Variants in MYO1D observed in about 807,000 individuals in gnomAD.
The protein encoded by MYO1D is unconventional myosin-Id.
A neutral mutation model predicts 122.0 loss-of-function variants in MYO1D; 83 were observed. The ratio of observed to expected loss-of-function variants is 0.68; its 90% CI spans 0.57 to 0.82. The LOEUF is 0.82. MYO1D is among the 40% of genes least tolerant of loss of function. The probability of loss-of-function intolerance (pLI) is 0.00; values close to 1 mark genes in which losing one functional copy is unlikely to be tolerated. For synonymous variants in MYO1D, 464 were observed against 446.9 expected (o/e 1.04, Z -0.48); for missense variants, 1,157 against 1,269.5 (o/e 0.91, Z 1.35).
chr17:32,776,377 T>A (rs1337554489), intron 3 of MYO1D, among the ~76,000 whole-genome samples: 1 of 152,210 alleles, frequency 6.6e-6, no homozygotes, highest in Non-Finnish European at 1.5e-5. Context: ...CACGTGTGTG[T>A]GTGTGTGCAT....
At position 32,631,363 on chromosome 17, in the gene MYO1D, G is replaced by T. The variant is rs117792454; in HGVS notation, c.2709+7359C>A. On this transcript the variant is annotated intron_variant, in intron 20 of 21. Coordinates refer to ENST00000318217, the MANE Select transcript of MYO1D (RefSeq NM_015194.3). ...GGTTTAAAAGGCAGTCTTTGGCTAG[G>T]TGTGGTGTGGCTCATGCCTGTAATT... Among the ~76,000 whole-genome samples the T allele has an allele frequency of 7.7e-3, 1,180 of 152,300 alleles. 9 individuals are homozygous for T. The highest frequency in any genetic ancestry group is 0.014 in the Non-Finnish European group (930 of 68,030).
At position 32,875,297 on chromosome 17, in the gene MYO1D, T is replaced by G. The variant is rs539305039; in HGVS notation, c.95+1481A>C. 2.1e-4 allele frequency among the ~76,000 whole-genome samples: 32 copies of G among 152,364 alleles called. 1 individual carries two copies. The South Asian group carries it at 6.0e-3, about 29-fold the overall frequency. On this transcript the variant is annotated intron_variant, in intron 1 of 21. Transcript: ENST00000318217. ...ACAACCTTAATCTATGAAATTGCTA[T>G]GTAACTTACCCCTTTATCTATTTTA...
At chr17:32,817,931 C>T (rs569803458) in intron 1 of MYO1D, among the ~76,000 whole-genome samples, 17 of 150,850 alleles carry the variant, frequency 1.1e-4, no homozygotes, top group Non-Finnish European at 1.6e-4. Context: ...TCGAGACCAT[C>T]CCGGCTAAAA....
At chr17:32,681,570 G>T (rs2088918091) in intron 16 of MYO1D, among the ~76,000 whole-genome samples, 1 of 151,896 alleles carries the variant, frequency 6.6e-6, no homozygotes, top group Non-Finnish European at 1.5e-5. Context: ...CTTTGAGTGG[G>T]ATTCTTAATC....
intron 1 of MYO1D, among the ~76,000 whole-genome samples, chr17:32,825,239 G>T (rs1307747714): frequency 6.6e-6 from 1 of 151,746 alleles, no homozygotes. Flanking sequence ...TAAACACAGG[G>T]TATTTATTAT....
intron 1 of MYO1D, among the ~76,000 whole-genome samples, chr17:32,835,036 A>T (rs1224072182): frequency 1.3e-5 from 2 of 151,894 alleles, no homozygotes; most frequent in African/African-American, 2.4e-5. Context: ...CAAACAAAAA[A>T]CCACATTTCT....
rs150326265 is a variant in MYO1D at position 32,868,905 on chromosome 17, A to G, written c.95+7873T>C. Among the ~76,000 whole-genome samples, 755 of 152,214 alleles carry G rather than the reference A, an allele frequency of 5.0e-3. 4 individuals are homozygous for G. Among genetic ancestry groups the G allele is most frequent in the Non-Finnish European group, 8.0e-3 (543 of 67,988 alleles). On this transcript the variant is annotated intron_variant, in intron 1 of 21. Transcript: ENST00000318217. ...TGCTCAAAACTAAAGTTTGGAAAAC[A>G]TTGTTCTATTCAAGAGATCTTGGCT...
intron 20 of MYO1D, among the ~76,000 whole-genome samples, chr17:32,608,748 C>T (rs1306204899): frequency 6.6e-6 from 1 of 152,184 alleles, no homozygotes; most frequent in Non-Finnish European, 1.5e-5. Flanking sequence ...GGAAACGACC[C>T]AAATATCCAG....
At chr17:32,614,693 C>T (rs1567910751) in intron 20 of MYO1D, among the ~76,000 whole-genome samples, 1 of 152,192 alleles carries the variant, frequency 6.6e-6, no homozygotes, top group Non-Finnish European at 1.5e-5. Context: ...GTGGGCTCAT[C>T]ATGGAAATGG....
intron 12 of MYO1D, among the ~76,000 whole-genome samples, chr17:32,746,826 T>C (rs114109186): frequency 2.3e-4 from 35 of 152,300 alleles, no homozygotes; most frequent in African/African-American, 7.0e-4. Flanking sequence ...AACCTAGGTA[T>C]TGTCTCAGTT....
At chr17:32,838,525 G>C (rs114245024) in intron 1 of MYO1D, among the ~76,000 whole-genome samples, 4 of 152,262 alleles carry the variant, frequency 2.6e-5, no homozygotes, top group African/African-American at 9.6e-5. Context: ...TTGAAGGCTA[G>C]TGAGAAGATG....
chr17:32,787,888 C>A (rs1304275256), intron 1 of MYO1D, among the ~76,000 whole-genome samples: 1 of 152,198 alleles, frequency 6.6e-6, no homozygotes, highest in Non-Finnish European at 1.5e-5. Context: ...AGAATAATGG[C>A]CTCCAGCTCC....
In MYO1D at chr17:32,772,856, C is replaced by G. The variant is rs1353861541; in HGVS notation, c.565-14G>C. 6.2e-7 allele frequency: 1 copy of G among 1,611,652 alleles called. No homozygotes were observed. Among genetic ancestry groups the G allele is most frequent in the Non-Finnish European group, 8.5e-7 (1 of 1,178,000 alleles). ...AATCACTCGAGACTAAGAAAAAACA[C>G]ATTAAAATGGTTAACCCGAAAATGT... On this transcript the variant is annotated splice_polypyrimidine_tract_variant and intron_variant, in intron 4 of 21. Coordinates refer to ENST00000318217, the MANE Select transcript of MYO1D (RefSeq NM_015194.3).
intron 21 of MYO1D, among the ~76,000 whole-genome samples, chr17:32,550,958 A>T (rs1415279319): frequency 2.0e-5 from 2 of 101,544 alleles, no homozygotes; most frequent in Non-Finnish European, 3.9e-5. Context: ...CCTAGGCAAC[A>T]GAGTGTCAAA....
At chr17:32,820,625 C>A (rs772525004) in intron 1 of MYO1D, among the ~76,000 whole-genome samples, 4 of 152,020 alleles carry the variant, frequency 2.6e-5, no homozygotes, top group Admixed American at 1.3e-4. Flanking sequence ...TAACCTCATA[C>A]AATTATGACC....
chr17:32,826,486 T>C (rs1395077368), intron 1 of MYO1D, among the ~76,000 whole-genome samples: 1 of 152,262 alleles, frequency 6.6e-6, no homozygotes, highest in East Asian at 1.9e-4. Context: ...GAGTAAATCA[T>C]GGCTTGAAAA....
chr17:32,863,640 C>T (rs2091096832), intron 1 of MYO1D, among the ~76,000 whole-genome samples: 1 of 152,160 alleles, frequency 6.6e-6, no homozygotes, highest in Non-Finnish European at 1.5e-5. Flanking sequence ...GACATGAAAA[C>T]AACTTTTTAT....
chr17:32,521,868 A>G (rs1210091595), intron 21 of MYO1D, among the ~76,000 whole-genome samples: 1 of 152,050 alleles, frequency 6.6e-6, no homozygotes, highest in Non-Finnish European at 1.5e-5. Flanking sequence ...GGAATCATGA[A>G]GTCAGAAGTT....
intron 10 of MYO1D, chr17:32,760,073 C>T: frequency 1.4e-6 from 1 of 704,076 alleles, no homozygotes; most frequent in Non-Finnish European, 2.6e-6. Context: ...CTGGTTCTAA[C>T]TCAGGATGTT....
Sources: gnomAD v4.1 joint callset for allele counts (sites outside exome capture counted in the v4.1 genomes callset) on GRCh38, gnomAD v4.1.1 for gene constraint, MANE v1.5 for transcripts, NCBI Gene and HGNC (gene_info 2026-07-23, HGNC 2026-07-21) for gene names.